The following LARGE1 variants were observed in gnomAD, a reference collection of about 807,000 sequenced individuals.
LARGE1 encodes the protein xylosyl- and glucuronyltransferase LARGE1.
In LARGE1, 43 loss-of-function variants were observed where a neutral mutation model predicts 87.6. The ratio of observed to expected loss-of-function variants is 0.49; its 90% CI spans 0.38 to 0.63. The LOEUF is 0.63. Among genes scored for constraint, LARGE1 ranks in the 30% least tolerant of loss-of-function variants. LARGE1 has a pLI of 0.00. For missense variants in LARGE1, 802 were observed against 1,000.2 expected, an observed-to-expected ratio of 0.80 and a Z score of 2.67; for synonymous variants, 434 against 394.6, an observed-to-expected ratio of 1.10 and a Z score of -1.18.
At chr22:33,309,896 G>A (rs561186156) in intron 11 of LARGE1, among the ~76,000 whole-genome samples, 21 of 152,250 alleles carry the variant, frequency 1.4e-4, no homozygotes, top group African/African-American at 4.6e-4. Context: ...CACAGCAGGC[G>A]GGTGGGACAC....
chr22:33,460,610 C>A (rs956326200), intron 6 of LARGE1, among the ~76,000 whole-genome samples: 17 of 151,890 alleles, frequency 1.1e-4, no homozygotes, highest in African/African-American at 4.1e-4. Context: ...TAGCACAGAC[C>A]CTGAGAGCTA....
At chr22:33,588,539 A>G (rs147127457) in intron 5 of LARGE1, among the ~76,000 whole-genome samples, 84 of 152,136 alleles carry the variant, frequency 5.5e-4, no homozygotes, top group African/African-American at 1.9e-3. Flanking sequence ...GTGTGTGCGC[A>G]CGCACGCATA....
At chr22:33,155,865 T>C in the LARGE1 span, among the ~76,000 whole-genome samples, 1 of 152,170 alleles carries the variant, frequency 6.6e-6, no homozygotes, top group East Asian at 1.9e-4. Context: ...CCCTTTGCTG[T>C]GTGCTGTCTA....
chr22:33,588,238 A>G (rs1301841036), intron 5 of LARGE1, among the ~76,000 whole-genome samples: 1 of 152,246 alleles, frequency 6.6e-6, no homozygotes, highest in African/African-American at 2.4e-5. Flanking sequence ...TACATCCACC[A>G]ATACCCATGC....
intron 1 of LARGE1, among the ~76,000 whole-genome samples, chr22:33,871,729 G>C (rs992094070): frequency 2.6e-5 from 4 of 151,716 alleles, no homozygotes; most frequent in East Asian, 1.9e-4. Flanking sequence ...CTTTCTCTCT[G>C]CAACTTTTCA....
chr22:33,915,883 C>T (rs1392497649), intron 1 of LARGE1, among the ~76,000 whole-genome samples: 3 of 152,198 alleles, frequency 2.0e-5, no homozygotes, highest in Non-Finnish European at 2.9e-5. Flanking sequence ...TTTAGGGTTT[C>T]CATGCTGTTC....
intron 7 of LARGE1, among the ~76,000 whole-genome samples, chr22:33,403,236 A>G (rs1011329072): frequency 6.6e-6 from 1 of 152,162 alleles, no homozygotes; most frequent in Admixed American, 6.5e-5. Context: ...GGTCTACTCA[A>G]TACAAGTATA....
chr22:33,460,118 T>C (rs2068314932), intron 6 of LARGE1, among the ~76,000 whole-genome samples: 1 of 152,204 alleles, frequency 6.6e-6, no homozygotes, highest in African/African-American at 2.4e-5. Flanking sequence ...ACTGTAGCAG[T>C]CAAAGGATGA....
chr22:33,645,061 A>G, intron 3 of LARGE1, among the ~76,000 whole-genome samples: 1 of 152,350 alleles, frequency 6.6e-6, no homozygotes, highest in East Asian at 1.9e-4. Flanking sequence ...AAACTACTTT[A>G]AATTTCATAT....
chr22:33,726,845 C>T (rs8138831), intron 2 of LARGE1, among the ~76,000 whole-genome samples: 110 of 152,280 alleles, frequency 7.2e-4, no homozygotes, highest in Admixed American at 1.4e-3. Context: ...CCTCCCCACT[C>T]GGATCATGCC....
chr22:33,826,509 A>C (rs2062789800), intron 1 of LARGE1, among the ~76,000 whole-genome samples: 1 of 151,852 alleles, frequency 6.6e-6, no homozygotes, highest in South Asian at 2.1e-4. Context: ...CACCCGGCTA[A>C]TTTTTGTATT....
chr22:33,827,917 C>G (rs1282330747), intron 1 of LARGE1, among the ~76,000 whole-genome samples: 1 of 152,176 alleles, frequency 6.6e-6, no homozygotes, highest in Non-Finnish European at 1.5e-5. Flanking sequence ...CCAGGTGATG[C>G]ATACTGCAGG....
At chr22:33,394,745 A>ATGTGTG (rs2065666539) in intron 7 of LARGE1, among the ~76,000 whole-genome samples, 2 of 93,872 alleles carry the variant, frequency 2.1e-5, no homozygotes, top group Non-Finnish European at 4.5e-5. Context: ...GTGTGTGTGT[A>ATGTGTG]TGTGTGTGTG....
At chr22:33,615,696 C>G (rs62225367) in intron 4 of LARGE1, among the ~76,000 whole-genome samples, 1 of 147,596 alleles carries the variant, frequency 6.8e-6, no homozygotes, top group South Asian at 2.1e-4. Context: ...AAGGAAGAAA[C>G]TTTGTGCTTC....
At chr22:33,479,927 T>G (rs1246073118) in intron 6 of LARGE1, among the ~76,000 whole-genome samples, 1 of 152,038 alleles carries the variant, frequency 6.6e-6, no homozygotes, top group Non-Finnish European at 1.5e-5. Context: ...GTATTTTTGG[T>G]AGAGATGGGG....
chr22:33,533,210 A>C (rs1238746663), intron 6 of LARGE1, among the ~76,000 whole-genome samples: 1 of 152,192 alleles, frequency 6.6e-6, no homozygotes, highest in Non-Finnish European at 1.5e-5. Flanking sequence ...GAGCAAAGAC[A>C]AGTGTTGTTC....
chr22:33,139,869 C>A, the LARGE1 span, among the ~76,000 whole-genome samples: 1 of 152,214 alleles, frequency 6.6e-6, no homozygotes, highest in Non-Finnish European at 1.5e-5. Context: ...CATTGCCTTT[C>A]TCTCCCCACT....
At chr22:33,599,594 ACCAGT>A (rs1478887053) in intron 5 of LARGE1, among the ~76,000 whole-genome samples, 1 of 152,194 alleles carries the variant, frequency 6.6e-6, no homozygotes, top group African/African-American at 2.4e-5. Context: ...AGAGAAGTGT[ACCAGT>A]CCACTGCGAA....
intron 11 of LARGE1, among the ~76,000 whole-genome samples, chr22:33,255,995 C>G (rs1602156044): frequency 6.6e-6 from 1 of 152,244 alleles, no homozygotes; most frequent in East Asian, 1.9e-4. Context: ...TGACCTGTTT[C>G]TTTCATTTCC....
Sources: allele counts gnomAD v4.1 joint callset (sites outside exome capture counted in the v4.1 genomes callset), GRCh38; gene constraint gnomAD v4.1.1; transcripts MANE v1.5; gene names NCBI Gene and HGNC (gene_info 2026-07-23, HGNC 2026-07-21).